The following RBSN variants were observed in gnomAD, a reference collection of about 807,000 sequenced individuals.
RBSN encodes rabenosyn, RAB effector, also known as rabenosyn-5.
RBSN carries 34 observed loss-of-function variants against 60.5 expected under a neutral mutation model. That is an observed-to-expected ratio of 0.56 (90% CI 0.43 to 0.75). The LOEUF is 0.75. RBSN is among the 30% of genes least tolerant of loss of function. The probability of loss-of-function intolerance (pLI) is 0.00; values close to 1 mark genes in which losing one functional copy is unlikely to be tolerated. For synonymous variants in RBSN, 322 were observed against 366.9 expected (o/e 0.88, Z 1.40); for missense variants, 845 against 986.8 (o/e 0.86, Z 1.92).
chr3:15,086,135 C>T (rs984810848), intron 5 of RBSN, 174 bp from the exon 6 acceptor site: 64 of 494,286 alleles, frequency 1.3e-4, no homozygotes, highest in Middle Eastern at 1.2e-3. Flanking sequence ...TGGGTATGTA[C>T]GCCTATAATC....
At position 15,074,203 on chromosome 3, in the gene RBSN, G is replaced by A. The variant is rs2042989207; in HGVS notation, c.1934C>T (p.Pro645Leu). Residue 645 changes from proline to leucine, a missense_variant, in exon 14 of 14, where the codon CCT becomes CTT. Transcript: ENST00000253699. The surrounding 1 kb of genome is among the most constrained non-coding windows in gnomAD (Gnocchi z 6.4). ...AGGGTCTAAGGAAACCCCTGCAGCAGGAGGACCAGTAGTGGCCTCTTCCAT... is the reference window on the plus strand; with the variant it reads ...AGGGTCTAAGGAAACCCCTGCAGCAAGAGGACCAGTAGTGGCCTCTTCCAT... ...SPMEEATTGPPAAGVSLDPSA... is the reference protein window; with the variant it reads ...SPMEEATTGPLAAGVSLDPSA... 1 of 1,610,368 alleles carries A rather than the reference G, an allele frequency of 6.2e-7. No homozygotes were observed. Among genetic ancestry groups the A allele is most frequent in the African/African-American group, 1.3e-5 (1 of 74,850 alleles).
In RBSN at chr3:15,096,233, T is replaced by G; in HGVS notation, c.-113A>C. 8.5e-7 allele frequency: 1 copy of G among 1,177,762 alleles called. No individual in the cohort carries two copies. The highest frequency in any genetic ancestry group is 1.1e-6 in the Non-Finnish European group (1 of 886,206). The allele number at this position is 1,177,762 out of a possible 1,614,324, so 73.0% of individuals were successfully genotyped here. ...ATTAGCTTAAGCAGCACACAGATGG[T>G]GAGGAAGTGGCTTCATGGCCCTGGA... On this transcript the variant is annotated 5_prime_UTR_variant, in exon 4 of 14. Coordinates refer to ENST00000253699, the MANE Select transcript of RBSN (RefSeq NM_022340.4).
chr3:15,073,572 G>T lies in RBSN; in HGVS notation c.*210C>A. 3.9e-6 allele frequency: 2 copies of T among 508,566 alleles called. No individual in the cohort carries two copies. Among genetic ancestry groups the T allele is most frequent in the Non-Finnish European group, 6.9e-6 (2 of 291,542 alleles). 31.5% of individuals were successfully genotyped at this position (508,566 alleles called of 1,614,324 possible). A position where few individuals can be genotyped will look rare whatever the true frequency, so the allele number is the denominator to read the frequency against. ...ACAGGAAAAGCAGCAACTGAATGCT[G>T]ATTCTCCCTGTTCTAGTTTCTATTT... On this transcript the variant is annotated 3_prime_UTR_variant, in exon 14 of 14. Coordinates refer to ENST00000253699, the MANE Select transcript of RBSN (RefSeq NM_022340.4).
rs934950784 is a variant in RBSN, at chr3:15,073,067, T to G, written c.*715A>C. 1 of 152,236 alleles carries G rather than the reference T, an allele frequency of 6.6e-6. No individual in the cohort carries two copies. The highest frequency in any genetic ancestry group is 6.5e-5 in the Admixed American group (1 of 15,280). 9.4% of individuals were successfully genotyped at this position (152,236 alleles called of 1,614,324 possible). On this transcript the variant is annotated 3_prime_UTR_variant, in exon 14 of 14. Coordinates refer to ENST00000253699, the MANE Select transcript of RBSN (RefSeq NM_022340.4). ...CCAGATTCACATTGATACCCTGCACTGGGAGCTTAACTTCCTGAAAGAGAC... is the reference window on the plus strand; with the variant it reads ...CCAGATTCACATTGATACCCTGCACGGGGAGCTTAACTTCCTGAAAGAGAC...
intron 5 of RBSN, among the ~76,000 whole-genome samples, chr3:15,086,581 G>A (rs1461394436): frequency 2.6e-5 from 4 of 152,202 alleles, no homozygotes; most frequent in Admixed American, 6.5e-5. Flanking sequence ...AGTTGTTAAC[G>A]ATGATTAAAT....
Position 15,089,479 on chromosome 3 carries a change from A to AAAAAC in RBSN, c.289+919_289+920insGTTTT, listed in dbSNP as rs1559350667. ...TCCAAAAAAAAAAAAAAAAAAAAAC[A>AAAAAC]AAAAAAAAAAACAGATATGTAAGAT... On this transcript the variant is annotated intron_variant, in intron 5 of 13. Transcript: ENST00000253699. 3.2e-3 allele frequency among the ~76,000 whole-genome samples: 331 copies of AAAAAC among 103,924 alleles called. 2 individuals are homozygous for AAAAAC. The highest frequency in any genetic ancestry group is 0.01 in the East Asian group (41 of 4,046). The allele number at this position is 103,924 out of a possible 152,430, so 68.2% of individuals were successfully genotyped here.
Position 15,082,707 on chromosome 3 carries a change from A to T in RBSN, c.599-99T>A, listed in dbSNP as rs923019233. On this transcript the variant is annotated intron_variant, in intron 8 of 13. Coordinates refer to ENST00000253699, the MANE Select transcript of RBSN (RefSeq NM_022340.4). This position sits in a 1 kb window ranked among gnomAD's most constrained non-coding sequence, Gnocchi z 4.2. ...CAGTCCACAGGTGTTTGATTTGGAG[A>T]GTAATAAGATCAGGCTCCAGCTGTG... The T allele has an allele frequency of 2.0e-6, 3 of 1,489,872 alleles. No individual in the cohort carries two copies. The highest frequency in any genetic ancestry group is 2.7e-6 in the Non-Finnish European group (3 of 1,106,514). 92.3% of individuals were successfully genotyped at this position (1,489,872 alleles called of 1,614,324 possible).
At chr3:15,090,345 A>T in intron 5 of RBSN, 54 bp downstream of exon 5, 1 of 1,596,834 alleles carries the variant, frequency 6.3e-7, no homozygotes, top group East Asian at 2.2e-5. Flanking sequence ...CTTTACCTAG[A>T]ACATAGCAGA....
rs759299733 is a variant in RBSN at position 15,074,508 on chromosome 3, G to A, written c.1629C>T (p.His543=). ...TGAAGTCCAGGGACCGAGTCCGTGT[G>A]TGCAGGGATGCCACCCGAAACTGCT... ...EREQFRVASL[H]TRTRSLDFRE... Residue 543 remains histidine (H), a synonymous_variant, in exon 14 of 14, where the codon CAC becomes CAT. Transcript: ENST00000253699. This position sits in a 1 kb window ranked among gnomAD's most constrained non-coding sequence, Gnocchi z 6.4. The A allele has an allele frequency of 1.2e-6, 2 of 1,614,084 alleles. No homozygotes were observed. The highest frequency in any genetic ancestry group is 1.3e-5 in the African/African-American group (1 of 74,932).
Position 15,082,689 on chromosome 3 carries a change from C to T in RBSN, c.599-81G>A. The T allele has an allele frequency of 6.5e-7, 1 of 1,531,974 alleles. No homozygotes were observed. The highest frequency in any genetic ancestry group is 1.2e-5 in the South Asian group (1 of 80,522). 94.9% of individuals were successfully genotyped at this position (1,531,974 alleles called of 1,614,324 possible). On this transcript the variant is annotated intron_variant, in intron 8 of 13. Coordinates refer to ENST00000253699, the MANE Select transcript of RBSN (RefSeq NM_022340.4). This position sits in a 1 kb window ranked among gnomAD's most constrained non-coding sequence, Gnocchi z 4.2. Reference sequence around the variant, plus strand: ...CCCACGACCTCAAGGTGTCAGTCCACAGGTGTTTGATTTGGAGAGTAATAA... The same window carrying T: ...CCCACGACCTCAAGGTGTCAGTCCATAGGTGTTTGATTTGGAGAGTAATAA...
Position 15,074,507 on chromosome 3 carries a change from T to C in RBSN, c.1630A>G (p.Thr544Ala), listed in dbSNP as rs1286062589. 1.2e-6 allele frequency: 2 copies of C among 1,614,214 alleles called. No individual in the cohort carries two copies. Among genetic ancestry groups the C allele is most frequent in the South Asian group, 1.1e-5 (1 of 91,088 alleles). The change falls in exon 14 of 14, where the codon ACA becomes GCA. Residue 544 changes from threonine to alanine, a missense_variant. By Grantham distance (58) the Thr-to-Ala change is moderately conservative. Transcript: ENST00000253699. This position sits in a 1 kb window ranked among gnomAD's most constrained non-coding sequence, Gnocchi z 6.4. ...REQFRVASLHTRTRSLDFREI... is the reference protein window; with the variant it reads ...REQFRVASLHARTRSLDFREI... ...CTGAAGTCCAGGGACCGAGTCCGTG[T>C]GTGCAGGGATGCCACCCGAAACTGC...
At chr3:15,088,976 C>T (rs1238731161) in intron 5 of RBSN, among the ~76,000 whole-genome samples, 1 of 152,154 alleles carries the variant, frequency 6.6e-6, no homozygotes, top group Non-Finnish European at 1.5e-5. Flanking sequence ...CGCTTTCCTT[C>T]TTGGAGCTCC....
rs1553586053 is a variant in RBSN at position 15,070,105 on chromosome 3, G to GAA, written c.*3676_*3677insTT. The stretch of plus-strand genomic sequence containing the variant: ...TCAGATTTTATTTTTTTTAAAAAAG[G>GAA]CTCCAATACAAGGCCCCAGAGTAGT... On this transcript the variant is annotated 3_prime_UTR_variant, in exon 14 of 14. Coordinates refer to ENST00000253699, the MANE Select transcript of RBSN (RefSeq NM_022340.4). The GAA allele has an allele frequency of 6.6e-6, 1 of 152,404 alleles. No individual in the cohort carries two copies. The highest frequency in any genetic ancestry group is 1.5e-5 in the Non-Finnish European group (1 of 68,004). 9.4% of individuals were successfully genotyped at this position (152,404 alleles called of 1,614,324 possible). A position where few individuals can be genotyped will look rare whatever the true frequency, so the allele number is the denominator to read the frequency against.
chr3:15,087,714 A>C (rs1390788911), intron 5 of RBSN, among the ~76,000 whole-genome samples: 3 of 152,110 alleles, frequency 2.0e-5, no homozygotes, highest in African/African-American at 7.2e-5. Flanking sequence ...TCCACCTCCC[A>C]GGTTCAAGCA....
intron 4 of RBSN, among the ~76,000 whole-genome samples, chr3:15,094,377 T>G (rs1006494657): frequency 6.6e-6 from 1 of 152,234 alleles, no homozygotes; most frequent in African/African-American, 2.4e-5. Context: ...CCCTCAGTGA[T>G]GTCACGTGCA....
At position 15,085,872 on chromosome 3, in the gene RBSN, T is replaced by G. The variant is rs1181155111; in HGVS notation, c.379A>C (p.Arg127=). The change falls in exon 6 of 14, where the codon AGG becomes CGG. Residue 127 remains arginine (R), a synonymous_variant. Transcript: ENST00000253699. ...YVVEVNKLII[R]LEKLTAFDRT... is the part of the protein sequence containing the mutation. ...ACAACAAAATTTACCTTCTCTAACC[T>G]GATTATTAGTTTATTGACTTCCACA... 1 of 1,613,920 alleles carries G rather than the reference T, an allele frequency of 6.2e-7. No individual in the cohort carries two copies. The highest frequency in any genetic ancestry group is 8.5e-7 in the Non-Finnish European group (1 of 1,179,856).
chr3:15,082,752 C>T lies in RBSN; in HGVS notation c.599-144G>A. 3 of 1,225,676 alleles carry T rather than the reference C, an allele frequency of 2.4e-6. No individual in the cohort carries two copies. Among genetic ancestry groups the T allele is most frequent in the Non-Finnish European group, 2.2e-6 (2 of 893,388 alleles). 75.9% of individuals were successfully genotyped at this position (1,225,676 alleles called of 1,614,324 possible). On this transcript the variant is annotated intron_variant, in intron 8 of 13. Coordinates refer to ENST00000253699, the MANE Select transcript of RBSN (RefSeq NM_022340.4). This position sits in a 1 kb window ranked among gnomAD's most constrained non-coding sequence, Gnocchi z 4.2. ...GCTGTGGGCACGTACTGCCCCTCTG[C>T]CTTCCTGGTGTCAGACTCTGGTGAG... is the stretch of plus-strand genomic sequence containing the variant.
chr3:15,086,266 A>G (rs1344955621), intron 5 of RBSN, among the ~76,000 whole-genome samples: 1 of 152,128 alleles, frequency 6.6e-6, no homozygotes, highest in African/African-American at 2.4e-5. Flanking sequence ...AACTTCAGAA[A>G]GAAAAAAAAA....
At chr3:15,081,322 C>G (rs2043200580) in intron 9 of RBSN, 2 of 153,302 alleles carry the variant, frequency 1.3e-5, no homozygotes, top group Non-Finnish European at 2.9e-5. Context: ...TTCCAGGGCA[C>G]AAGCCAAGGT....
Sources: gnomAD v4.1 joint callset for allele counts (sites outside exome capture counted in the v4.1 genomes callset) on GRCh38, gnomAD v4.1.1 for gene constraint, Gnocchi (gnomAD v3.1) non-coding constraint, MANE v1.5 for transcripts, NCBI Gene and HGNC (gene_info 2026-07-23, HGNC 2026-07-21) for gene names.